The following ZMYM4 variants were observed in gnomAD, a reference collection of about 807,000 sequenced individuals.
ZMYM4 encodes the protein zinc finger MYM-type protein 4.
Under a neutral mutation model 183.2 loss-of-function variants are expected in ZMYM4, and 31 were observed. The ratio of observed to expected loss-of-function variants is 0.17; its 90% CI spans 0.13 to 0.23. The LOEUF (loss-of-function observed/expected upper bound fraction) is 0.23. Ranked by LOEUF, ZMYM4 falls within the 10% of genes least tolerant of loss-of-function variation. ZMYM4 has a pLI of 1.00. For synonymous variants in ZMYM4, 592 were observed against 631.2 expected, an observed-to-expected ratio of 0.94 and a Z score of 0.93; for missense variants, 1,273 against 1,840.3, an observed-to-expected ratio of 0.69 and a Z score of 5.64.
chr1:35,402,394 T>C (rs2149017595), intron 23 of ZMYM4, among the ~76,000 whole-genome samples: 1 of 152,174 alleles, frequency 6.6e-6, no homozygotes, highest in East Asian at 1.9e-4. Flanking sequence ...GGCAGAAGGA[T>C]TGTTTGAGCC....
chr1:35,386,603 A>G (rs968255785), intron 11 of ZMYM4, among the ~76,000 whole-genome samples: 6 of 152,198 alleles, frequency 3.9e-5, no homozygotes, highest in Non-Finnish European at 8.8e-5. Flanking sequence ...CACGAATTCA[A>G]ACCTATCACC....
intron 9 of ZMYM4, among the ~76,000 whole-genome samples, chr1:35,382,706 A>G (rs1040476586): frequency 2.0e-5 from 3 of 151,982 alleles, no homozygotes; most frequent in African/African-American, 4.8e-5. Context: ...CGGCCTCCCA[A>G]TCCCTGTGCT....
intron 1 of ZMYM4, among the ~76,000 whole-genome samples, chr1:35,305,498 G>C (rs1375328774): frequency 1.3e-5 from 2 of 151,718 alleles, no homozygotes; most frequent in East Asian, 3.9e-4. Context: ...TGGGATTACA[G>C]ACTTGGGCCA....
At chr1:35,412,429 G>A (rs920345784) in intron 26 of ZMYM4, among the ~76,000 whole-genome samples, 3 of 152,072 alleles carry the variant, frequency 2.0e-5, no homozygotes, top group African/African-American at 4.8e-5. Context: ...GCTAGGATTC[G>A]CGGTACAGTG....
intron 1 of ZMYM4, among the ~76,000 whole-genome samples, chr1:35,313,764 G>T (rs1231657971): frequency 1.3e-5 from 2 of 151,914 alleles, no homozygotes; most frequent in African/African-American, 2.4e-5. Flanking sequence ...CTAAAATGAA[G>T]CCTTTATTAT....
At chr1:35,385,621 G>A in intron 10 of ZMYM4, 29 bp downstream of exon 10, 2 of 1,556,408 alleles carry the variant, frequency 1.3e-6, no homozygotes, top group Non-Finnish European at 1.7e-6. Flanking sequence ...ACTATGAAAT[G>A]CAATGGTTGA....
rs996932115 is a variant in ZMYM4, at chr1:35,268,882, C to T, written c.-165C>T. The T allele has an allele frequency of 5.7e-6, 4 of 699,146 alleles. No homozygotes were observed. The East Asian group carries it at 1.2e-4, about 20-fold the overall frequency. 43.3% of individuals were successfully genotyped at this position (699,146 alleles called of 1,614,324 possible). ...CCGTGGGATCTCAGAAGCTGCGGCC[C>T]GGCGCGCGGCATCCGCCCCCTCCCC... On this transcript the variant is annotated 5_prime_UTR_variant, in exon 1 of 30. Transcript: ENST00000314607.
chr1:35,324,839 A>G (rs1034409246), intron 1 of ZMYM4, among the ~76,000 whole-genome samples: 1 of 152,184 alleles, frequency 6.6e-6, no homozygotes, highest in African/African-American at 2.4e-5. Flanking sequence ...CTGTGTTTAA[A>G]GATCTGAAAT....
At chr1:35,333,422 A>G (rs140538557) in intron 2 of ZMYM4, among the ~76,000 whole-genome samples, 269 of 151,850 alleles carry the variant, frequency 1.8e-3, no homozygotes, top group African/African-American at 6.4e-3. Flanking sequence ...CACCCGGCTA[A>G]TTTTTTGTAT....
At position 35,389,211 on chromosome 1, in the gene ZMYM4, AG is replaced by A. The variant is rs1213561742; in HGVS notation, c.2436+130del. 1.3e-5 allele frequency: 11 copies of A among 876,756 alleles called. No homozygotes were observed. Among genetic ancestry groups the A allele is most frequent in the African/African-American group, 1.7e-5 (1 of 57,908 alleles). 54.3% of individuals were successfully genotyped at this position (876,756 alleles called of 1,614,324 possible). ...AAGTATTAAATGTTTTATGCCTTCT[AG>A]CAATTAATATAAGATTTAGAAAGAC... is the stretch of plus-strand genomic sequence containing the variant. On this transcript the variant is annotated intron_variant, in intron 14 of 29. Transcript: ENST00000314607. This position sits in a 1 kb window ranked among gnomAD's most constrained non-coding sequence, Gnocchi z 4.0.
rs527678001 is a variant in ZMYM4 at position 35,393,614 on chromosome 1, C to T, written c.2786C>T (p.Ala929Val). 1.8e-5 allele frequency: 29 copies of T among 1,609,796 alleles called. No individual in the cohort carries two copies. The South Asian group carries it at 3.0e-4, about 17-fold the overall frequency. ...TACTAGGCAAGTACTCAAACAGATG[C>T]CCTGAAACTGCCACCTTCCCAACCT... Reference protein sequence around the residue: ...IIGDASTQTDALKLPPSQPPR... With the variant: ...IIGDASTQTDVLKLPPSQPPR... Residue 929 changes from alanine to valine, a missense_variant, in exon 18 of 30, where the codon GCC becomes GTC. By Grantham distance (64) the Ala-to-Val change is moderately conservative. Transcript: ENST00000314607.
intron 9 of ZMYM4, among the ~76,000 whole-genome samples, chr1:35,384,547 AT>A (rs1447416860): frequency 6.6e-6 from 1 of 152,056 alleles, no homozygotes; most frequent in Non-Finnish European, 1.5e-5. Flanking sequence ...GGTTGTTTGT[AT>A]TTGGACACCT....
chr1:35,312,269 A>G (rs191117112), intron 1 of ZMYM4, among the ~76,000 whole-genome samples: 3 of 151,752 alleles, frequency 2.0e-5, no homozygotes, highest in Non-Finnish European at 4.4e-5. Context: ...TCTTTCATCA[A>G]ATTTGGGAAG....
intron 1 of ZMYM4, among the ~76,000 whole-genome samples, chr1:35,291,517 T>A (rs1640759766): frequency 6.6e-6 from 1 of 152,108 alleles, no homozygotes; most frequent in African/African-American, 2.4e-5. Flanking sequence ...TTTTTTTCTG[T>A]CTCCAGATGT....
At chr1:35,317,815 A>C (rs1025798641) in intron 1 of ZMYM4, among the ~76,000 whole-genome samples, 1 of 152,188 alleles carries the variant, frequency 6.6e-6, no homozygotes. Context: ...GCAATGAAAG[A>C]CATAGGATCT....
intron 1 of ZMYM4, among the ~76,000 whole-genome samples, chr1:35,274,839 A>C (rs1487836556): frequency 6.6e-6 from 1 of 152,202 alleles, no homozygotes; most frequent in Admixed American, 6.5e-5. Flanking sequence ...TAGGAAATTA[A>C]GGCACAGAGA....
chr1:35,420,378 G>A lies in ZMYM4; in HGVS notation c.*701G>A, dbSNP rs1640285549. On this transcript the variant is annotated 3_prime_UTR_variant, in exon 30 of 30. Coordinates refer to ENST00000314607, the MANE Select transcript of ZMYM4 (RefSeq NM_005095.3). Reference sequence around the variant, plus strand: ...TGGATGTGGGTAAACTAAGGTAAAGGGGATGATATTCCACAAACTAATTAT... The same window carrying A: ...TGGATGTGGGTAAACTAAGGTAAAGAGGATGATATTCCACAAACTAATTAT... 1 of 152,446 alleles carries A rather than the reference G, an allele frequency of 6.6e-6. No homozygotes were observed. Among genetic ancestry groups the A allele is most frequent in the Non-Finnish European group, 1.5e-5 (1 of 68,146 alleles). 9.4% of individuals were successfully genotyped at this position (152,446 alleles called of 1,614,324 possible). A position where few individuals can be genotyped will look rare whatever the true frequency, so the allele number is the denominator to read the frequency against.
In ZMYM4 at chr1:35,361,809, T is replaced by C. The variant is rs761720245; in HGVS notation, c.840+20T>C. 5.7e-6 allele frequency: 9 copies of C among 1,589,042 alleles called. No homozygotes were observed. The highest frequency in any genetic ancestry group is 2.2e-5 in the East Asian group (1 of 44,536). ...GCTCAAGTAAACATTTCACCTTTTT[T>C]CCCCCCTTCTTTTTGTTCCACACAT... On this transcript the variant is annotated intron_variant, in intron 5 of 29. Coordinates refer to ENST00000314607, the MANE Select transcript of ZMYM4 (RefSeq NM_005095.3).
Position 35,390,051 on chromosome 1 carries a change from T to A in ZMYM4, c.2540T>A (p.Phe847Tyr). ...HFCNLLCILMFCNQQSVCDPP... is the reference protein window; with the variant it reads ...HFCNLLCILMYCNQQSVCDPP... ...TGTAACCTGCTTTGTATCTTGATGT[T>A]CTGTAATCAGCAAAGTGTATGTGAC... The change falls in exon 15 of 30, where the codon TTC becomes TAC. Residue 847 changes from phenylalanine (F) to tyrosine (Y), a missense_variant. Phe to Tyr is a conservative substitution (Grantham distance 22). Coordinates refer to ENST00000314607, the MANE Select transcript of ZMYM4 (RefSeq NM_005095.3). 1 of 1,614,006 alleles carries A rather than the reference T, an allele frequency of 6.2e-7. No individual in the cohort carries two copies. The highest frequency in any genetic ancestry group is 8.5e-7 in the Non-Finnish European group (1 of 1,179,960).
Sources: allele counts gnomAD v4.1 joint callset (sites outside exome capture counted in the v4.1 genomes callset), GRCh38; gene constraint gnomAD v4.1.1; non-coding constraint Gnocchi (gnomAD v3.1); transcripts MANE v1.5; gene names NCBI Gene and HGNC (gene_info 2026-07-23, HGNC 2026-07-21).